Variants in PCDHGA11 observed in about 807,000 individuals in gnomAD.
PCDHGA11 encodes the protein protocadherin gamma subfamily A, 11, also known as protocadherin gamma-A11.
A neutral mutation model predicts 60.4 loss-of-function variants in PCDHGA11; 39 were observed. The observed-to-expected ratio is 0.65, with a 90% CI of 0.50 to 0.84. The LOEUF (loss-of-function observed/expected upper bound fraction) is 0.84, where lower values mean the gene tolerates loss of function less well. Ranked by LOEUF, PCDHGA11 falls within the 40% of genes least tolerant of loss-of-function variation. The pLI, the probability that PCDHGA11 is intolerant of heterozygous loss-of-function variation, is 0.00. For missense variants in PCDHGA11, 1,165 were observed against 1,197.7 expected, an observed-to-expected ratio of 0.97 and a Z score of 0.40; for synonymous variants, 533 against 510.3, an observed-to-expected ratio of 1.04 and a Z score of -0.60.
chr5:141,480,145 C>A (rs1331658762), intron 1 of PCDHGA11, among the ~76,000 whole-genome samples: 1 of 151,968 alleles, frequency 6.6e-6, no homozygotes, highest in Non-Finnish European at 1.5e-5. Context: ...CAATTATTAG[C>A]CAGCTCCTAG....
In PCDHGA11 at chr5:141,489,203, C is replaced by A; in HGVS notation, c.2434-5604C>A. On this transcript the variant is annotated intron_variant, in intron 1 of 3. Transcript: ENST00000398587. The surrounding 1 kb of genome is among the most constrained non-coding windows in gnomAD (Gnocchi z 4.5). ...CCCTGGGTCTACCTTGGAGACAGGA[C>A]AGCACAGACTTACTCTCCACAAAGG... is the stretch of plus-strand genomic sequence containing the variant. 7.1e-7 allele frequency: 1 copy of A among 1,414,834 alleles called. No individual in the cohort carries two copies. Among genetic ancestry groups the A allele is most frequent in the Non-Finnish European group, 9.6e-7 (1 of 1,040,052 alleles). The allele number at this position is 1,414,834 out of a possible 1,614,324, so 87.6% of individuals were successfully genotyped here.
intron 1 of PCDHGA11, among the ~76,000 whole-genome samples, chr5:141,437,411 T>C (rs1014219268): frequency 1.1e-4 from 17 of 152,222 alleles, no homozygotes; most frequent in African/African-American, 4.1e-4. Flanking sequence ...TCCAGAAGTA[T>C]TATGCTTTTT....
chr5:141,495,107 A>G (rs559621284), intron 2 of PCDHGA11, among the ~76,000 whole-genome samples: 1 of 152,166 alleles, frequency 6.6e-6, no homozygotes, highest in East Asian at 1.9e-4. Flanking sequence ...CACGACCGGC[A>G]CCTTTTCCTA....
rs1237677806 is a variant in PCDHGA11 at position 141,422,758 on chromosome 5, A to C, written c.1531A>C (p.Asn511His). Residue 511 changes from asparagine (N) to histidine (H), a missense_variant, in exon 1 of 4, where the codon AAC (asparagine) becomes CAC (histidine). Physicochemically the swap from Asn to His is moderately conservative, Grantham distance 68 (BLOSUM62 1). Transcript: ENST00000398587. ...GTCCTCCTATGTCTCTATTAACTCC[A>C]ACACTGGTGTTCTCTATGCCCTACA... The part of the protein sequence containing the change: ...PLSSYVSINS[N>H]TGVLYALQSF... The C allele has an allele frequency of 1.9e-6, 3 of 1,613,032 alleles. No homozygotes were observed. The highest frequency in any genetic ancestry group is 2.5e-6 in the Non-Finnish European group (3 of 1,179,414).
intron 2 of PCDHGA11, among the ~76,000 whole-genome samples, chr5:141,504,354 G>C (rs1349256606): frequency 6.6e-6 from 1 of 152,100 alleles, no homozygotes; most frequent in Non-Finnish European, 1.5e-5. Flanking sequence ...TGTGCTAGGT[G>C]CTTCAGTAGG....
chr5:141,503,221 C>T (rs528636727), intron 2 of PCDHGA11, among the ~76,000 whole-genome samples: 34 of 152,074 alleles, frequency 2.2e-4, no homozygotes, highest in Middle Eastern at 6.8e-3. Flanking sequence ...CCATGAGCAC[C>T]GTAAAGATGG....
At chr5:141,425,756 A>G (rs1282506394) in intron 1 of PCDHGA11, among the ~76,000 whole-genome samples, 1 of 152,228 alleles carries the variant, frequency 6.6e-6, no homozygotes, top group Non-Finnish European at 1.5e-5. Flanking sequence ...TTTTTGTTCT[A>G]CAACAGGAGA....
At position 141,447,667 on chromosome 5, in the gene PCDHGA11, G is replaced by A. The variant is rs115529144; in HGVS notation, c.2433+24007G>A. 2.4e-3 allele frequency among the ~76,000 whole-genome samples: 372 copies of A among 152,278 alleles called. 2 individuals are homozygous for A. Among genetic ancestry groups the A allele is most frequent in the African/African-American group, 8.6e-3 (358 of 41,546 alleles). The stretch of plus-strand genomic sequence containing the variant: ...TAGAATTTTCCCCCCCAGGAAGTTA[G>A]AACTGTTCCATATCTTGATAGAGGG... On this transcript the variant is annotated intron_variant, in intron 1 of 3. Transcript: ENST00000398587.
intron 2 of PCDHGA11, among the ~76,000 whole-genome samples, chr5:141,502,654 C>T (rs1424933188): frequency 6.6e-6 from 1 of 152,230 alleles, no homozygotes; most frequent in South Asian, 2.1e-4. Context: ...TAGGCAGCAA[C>T]CCTTCATGCA....
intron 1 of PCDHGA11, among the ~76,000 whole-genome samples, chr5:141,438,788 A>G (rs1024095720): frequency 3.3e-5 from 5 of 149,742 alleles, no homozygotes; most frequent in Non-Finnish European, 7.4e-5. Flanking sequence ...CAGCCTCTCC[A>G]GTAGCTGGGA....
intron 1 of PCDHGA11, among the ~76,000 whole-genome samples, chr5:141,447,098 A>G (rs2098525979): frequency 6.6e-6 from 1 of 151,934 alleles, no homozygotes. Flanking sequence ...TTTCTTTCAC[A>G]TGATTATATG....
At chr5:141,488,348 C>T (rs1231687770) in intron 1 of PCDHGA11, among the ~76,000 whole-genome samples, 1 of 152,106 alleles carries the variant, frequency 6.6e-6, no homozygotes, top group Non-Finnish European at 1.5e-5. Flanking sequence ...TAGAAACAGC[C>T]ACCCTGTGCA....
chr5:141,441,835 G>A (rs1423189098), intron 1 of PCDHGA11: 9 of 353,636 alleles, frequency 2.5e-5, no homozygotes, highest in Admixed American at 2.1e-4. Flanking sequence ...CAATGGCTTC[G>A]CGCTCTTGGA....
intron 1 of PCDHGA11, among the ~76,000 whole-genome samples, chr5:141,465,486 G>C (rs1221398075): frequency 6.6e-6 from 1 of 152,216 alleles, no homozygotes; most frequent in African/African-American, 2.4e-5. Flanking sequence ...TGAGAGGAAT[G>C]AGCGGGAGCA....
Position 141,487,856 on chromosome 5 carries a change from T to C in PCDHGA11, c.2434-6951T>C. The C allele has an allele frequency of 2.0e-6, 2 of 977,364 alleles. No homozygotes were observed. The highest frequency in any genetic ancestry group is 3.0e-6 in the Non-Finnish European group (2 of 671,858). 60.5% of individuals were successfully genotyped at this position (977,364 alleles called of 1,614,324 possible). A position where few individuals can be genotyped will look rare whatever the true frequency, so the allele number is the denominator to read the frequency against. Reference sequence around the variant, plus strand: ...ATATCTGAGTAAGAAATGAAAGTAATTGGTGATCAAGAGCCAGGCTGTTGT... The same window carrying C: ...ATATCTGAGTAAGAAATGAAAGTAACTGGTGATCAAGAGCCAGGCTGTTGT... On this transcript the variant is annotated intron_variant, in intron 1 of 3. Transcript: ENST00000398587. The surrounding 1 kb of genome is among the most constrained non-coding windows in gnomAD (Gnocchi z 5.0).
intron 1 of PCDHGA11, among the ~76,000 whole-genome samples, chr5:141,452,271 C>A (rs1592214421): frequency 6.6e-6 from 1 of 152,108 alleles, no homozygotes. Flanking sequence ...TTTCTTGAAC[C>A]CTTTCTTACT....
In PCDHGA11 at chr5:141,491,105, C is replaced by T; in HGVS notation, c.2434-3702C>T. ...ACAGCCCCAGGACTGTTCCTCGTGTCTACACACACTGGTGAGGTGCGCACA... is the reference window on the plus strand; with the variant it reads ...ACAGCCCCAGGACTGTTCCTCGTGTTTACACACACTGGTGAGGTGCGCACA... On this transcript the variant is annotated intron_variant, in intron 1 of 3. Transcript: ENST00000398587. This position sits in a 1 kb window ranked among gnomAD's most constrained non-coding sequence, Gnocchi z 6.9. 1 of 1,614,222 alleles carries T rather than the reference C, an allele frequency of 6.2e-7. No individual in the cohort carries two copies. Among genetic ancestry groups the T allele is most frequent in the Non-Finnish European group, 8.5e-7 (1 of 1,180,032 alleles).
rs2099427481 is a variant in PCDHGA11 at position 141,477,973 on chromosome 5, T to A, written c.2434-16834T>A. On this transcript the variant is annotated intron_variant, in intron 1 of 3. Coordinates refer to ENST00000398587, the MANE Select transcript of PCDHGA11 (RefSeq NM_018914.3). The surrounding 1 kb of genome is among the most constrained non-coding windows in gnomAD (Gnocchi z 4.9). The stretch of plus-strand genomic sequence containing the variant: ...TGGGATCCCCTAACCAGAGCCTTTT[T>A]GCCATAGGGCTGCACACTGGTCAAA... 1 of 1,614,030 alleles carries A rather than the reference T, an allele frequency of 6.2e-7. No individual in the cohort carries two copies. The highest frequency in any genetic ancestry group is 8.5e-7 in the Non-Finnish European group (1 of 1,180,030).
Position 141,485,465 on chromosome 5 carries a change from C to T in PCDHGA11, c.2434-9342C>T. ...AATCGACCGAGAGGCACTGTGTGGG[C>T]TCAGTGCCAGCTGCATCGTGCCCCT... On this transcript the variant is annotated intron_variant, in intron 1 of 3. Coordinates refer to ENST00000398587, the MANE Select transcript of PCDHGA11 (RefSeq NM_018914.3). This position sits in a 1 kb window ranked among gnomAD's most constrained non-coding sequence, Gnocchi z 5.7. 6.2e-7 allele frequency: 1 copy of T among 1,614,162 alleles called. No homozygotes were observed.
Sources: allele counts gnomAD v4.1 joint callset (sites outside exome capture counted in the v4.1 genomes callset), GRCh38; gene constraint gnomAD v4.1.1; non-coding constraint Gnocchi (gnomAD v3.1); transcripts MANE v1.5; gene names NCBI Gene and HGNC (gene_info 2026-07-23, HGNC 2026-07-21).